The following PVT1 variants were observed in gnomAD, a reference collection of about 807,000 sequenced individuals.
PVT1 encodes Pvt1 oncogene.
chr8:128,070,752 T>C (rs921807052), intron 5 of PVT1, among the ~76,000 whole-genome samples: 3 of 152,042 alleles, frequency 2.0e-5, no homozygotes, highest in African/African-American at 2.4e-5. Context: ...CCAGGTAAGC[T>C]CCCAGCCAGT....
intron 4 of PVT1, among the ~76,000 whole-genome samples, chr8:128,053,545 A>T (rs1191422130): frequency 6.6e-6 from 1 of 152,092 alleles, no homozygotes; most frequent in African/African-American, 2.4e-5. Flanking sequence ...GTCCTGCCTG[A>T]TGTCCACACA....
chr8:128,097,474 T>C (rs1173019296), intron 6 of PVT1, among the ~76,000 whole-genome samples: 1 of 152,104 alleles, frequency 6.6e-6, no homozygotes. Flanking sequence ...GGTTGAAGAA[T>C]ACAAAAAGAA....
intron 3 of PVT1, chr8:127,983,977 C>G (rs2129984428): frequency 6.7e-6 from 1 of 149,576 alleles, no homozygotes; most frequent in East Asian, 2.0e-4. Flanking sequence ...CTCCCGGGTT[C>G]AAGTGATCCT....
intron 2 of PVT1, among the ~76,000 whole-genome samples, chr8:127,889,027 T>TCC (rs1815560796): frequency 2.3e-5 from 1 of 43,626 alleles, no homozygotes; most frequent in South Asian, 9.0e-4. Context: ...CCTTTTCCTT[T>TCC]CTCTCTTTCT....
intron 2 of PVT1, among the ~76,000 whole-genome samples, chr8:127,836,592 G>C (rs1814911240): frequency 6.6e-6 from 1 of 152,188 alleles, no homozygotes; most frequent in Non-Finnish European, 1.5e-5. Context: ...GAACTGGGCA[G>C]ATCCAGAGGC....
chr8:127,953,307 G>A (rs913862646), intron 3 of PVT1, among the ~76,000 whole-genome samples: 1 of 152,130 alleles, frequency 6.6e-6, no homozygotes, highest in African/African-American at 2.4e-5. Context: ...TGCTTTTACT[G>A]GACTCTGCAT....
At chr8:127,921,852 A>ATTTTTTTT (rs1816062657) in intron 3 of PVT1, among the ~76,000 whole-genome samples, 6 of 82,012 alleles carry the variant, frequency 7.3e-5, no homozygotes, top group Non-Finnish European at 1.0e-4. Context: ...TTTTTGGTTC[A>ATTTTTTTT]TGTTTTTTTT....
chr8:127,844,865 C>T (rs1427649095), intron 2 of PVT1, among the ~76,000 whole-genome samples: 2 of 152,154 alleles, frequency 1.3e-5, no homozygotes, highest in Non-Finnish European at 2.9e-5. Context: ...AGGCGCCCAC[C>T]ACCACGCCTG....
intron 2 of PVT1, among the ~76,000 whole-genome samples, chr8:127,826,994 CT>C (rs5894901): frequency 3.0e-4 from 34 of 113,936 alleles, no homozygotes; most frequent in Admixed American, 1.0e-3. Flanking sequence ...TTCTTTTTCT[CT>C]TTTTTTTTTT....
intron 3 of PVT1, among the ~76,000 whole-genome samples, chr8:127,918,430 A>G (rs1180999145): frequency 6.6e-6 from 1 of 152,106 alleles, no homozygotes; most frequent in East Asian, 1.9e-4. Flanking sequence ...CTGTGTCCTC[A>G]TTTGTCAGTG....
rs937113411 is a variant in PVT1, at chr8:127,979,558, G to A, written n.783-9604G>A. ...TGGGATTCCTTTGGGATCAACAGCT[G>A]TGAAACTGAAGGAGAAGAAACCATA... On this transcript the variant is annotated intron_variant and non_coding_transcript_variant, in intron 3 of 10. Transcript: ENST00000651587. Among the ~76,000 whole-genome samples the A allele has an allele frequency of 4.6e-5, 7 of 152,360 alleles. No homozygotes were observed. The South Asian group carries it at 8.3e-4, about 18-fold the overall frequency.
chr8:127,802,009 G>A (rs1814470431), intron 2 of PVT1, among the ~76,000 whole-genome samples: 1 of 151,854 alleles, frequency 6.6e-6, no homozygotes, highest in Non-Finnish European at 1.5e-5. Context: ...TCCGCCTCCC[G>A]GGTTCAAGCG....
At chr8:128,010,179 A>G (rs1817296462) in intron 4 of PVT1, 1 of 152,170 alleles carries the variant, frequency 6.6e-6, no homozygotes, top group Admixed American at 6.5e-5. Context: ...TAGGCAACCC[A>G]GTTTTACTGA....
chr8:127,964,379 C>G (rs140395561), intron 3 of PVT1, among the ~76,000 whole-genome samples: 85 of 152,338 alleles, frequency 5.6e-4, no homozygotes, highest in African/African-American at 2.0e-3. Context: ...ACCGAAGCCA[C>G]CAGTGGGAGC....
intron 3 of PVT1, among the ~76,000 whole-genome samples, chr8:127,955,071 A>G (rs11781473): frequency 0.68 from 103,415 of 152,076 alleles, 35,339 homozygotes; most frequent in Admixed American, 0.72. Context: ...ACCTCAGAAT[A>G]TGACTGGATT....
chr8:127,899,741 G>C (rs1815735264), intron 3 of PVT1, among the ~76,000 whole-genome samples: 1 of 152,188 alleles, frequency 6.6e-6, no homozygotes, highest in Non-Finnish European at 1.5e-5. Flanking sequence ...TGAGGCACCG[G>C]TGGAGACCTC....
At chr8:127,939,361 G>A (rs1252967634) in intron 3 of PVT1, 1 of 152,600 alleles carries the variant, frequency 6.6e-6, no homozygotes, top group African/African-American at 2.4e-5. Context: ...TGGTCCGGCA[G>A]GTGGAGGTGC....
At chr8:127,890,392 C>G (rs946044064) in intron 2 of PVT1, among the ~76,000 whole-genome samples, 6 of 152,230 alleles carry the variant, frequency 3.9e-5, no homozygotes, top group African/African-American at 7.2e-5. Flanking sequence ...AGAGGTCCTT[C>G]GTACCGCAGG....
At chr8:127,899,782 T>C (rs1815735997) in intron 3 of PVT1, among the ~76,000 whole-genome samples, 1 of 152,174 alleles carries the variant, frequency 6.6e-6, no homozygotes, top group Non-Finnish European at 1.5e-5. Context: ...CCTCTTGTGC[T>C]GTGTGTGCCT....
Sources: allele counts gnomAD v4.1 joint callset (sites outside exome capture counted in the v4.1 genomes callset), GRCh38; gene constraint gnomAD v4.1.1; transcripts MANE v1.5; gene names NCBI Gene and HGNC (gene_info 2026-07-23, HGNC 2026-07-21).